Variants in RIF1 observed in about 807,000 individuals in gnomAD.
RIF1 encodes telomere-associated protein RIF1.
In RIF1, 45 loss-of-function variants were observed where a neutral mutation model predicts 247.1. That is an observed-to-expected ratio of 0.18 (90% confidence interval 0.14 to 0.23). The LOEUF is 0.23. Ranked by LOEUF, RIF1 falls within the 10% of genes least tolerant of loss-of-function variation. The pLI is 1.00. For synonymous variants in RIF1, 1,087 were observed against 978.8 expected (o/e 1.11, Z -2.06); for missense variants, 2,967 against 2,862.5 (o/e 1.04, Z -0.83).
chr2:151,498,254 A>AAAT, intron 10 of RIF1: 1 of 1,551,340 alleles, frequency 6.4e-7, no homozygotes. Context: ...TTTCTTTCCA[A>AAAT]AATACCGAGC....
chr2:151,458,225 G>GTTTT (rs1559002529), intron 24 of RIF1, among the ~76,000 whole-genome samples: 2 of 115,200 alleles, frequency 1.7e-5, no homozygotes, highest in African/African-American at 6.0e-5. Context: ...GGAAATAGAT[G>GTTTT]ATTTTTTTTT....
intron 13 of RIF1, among the ~76,000 whole-genome samples, 195 bp from the exon 14 acceptor site, chr2:151,438,489 T>C (rs1691657853): frequency 6.6e-6 from 1 of 152,108 alleles, no homozygotes; most frequent in Admixed American, 6.5e-5. Flanking sequence ...AAATAAACCA[T>C]ATTTAGTTTC....
chr2:151,471,935 C>T (rs1164205999), intron 34 of RIF1, among the ~76,000 whole-genome samples: 1 of 152,114 alleles, frequency 6.6e-6, no homozygotes, highest in Non-Finnish European at 1.5e-5. Flanking sequence ...ATGGGGGTGG[C>T]ATTGAATCTA....
chr2:151,510,872 C>G (rs2073699184), downstream of RIF1, among the ~76,000 whole-genome samples: 1 of 152,142 alleles, frequency 6.6e-6, no homozygotes, highest in South Asian at 2.1e-4. Flanking sequence ...TTGTATTAAC[C>G]CCCAAGTATG....
Position 151,478,164 on chromosome 2 carries a change from T to TA in RIF1, c.*3096dup, listed in dbSNP as rs1379487259. ...GAGCTTTACTCTAATTCCAAATAGT[T>TA]AAAGGATGAATCAGGTTAAATAATG... On this transcript the variant is annotated 3_prime_UTR_variant, in exon 36 of 36. Transcript: ENST00000444746. The TA allele has an allele frequency of 7.2e-5, 11 of 152,322 alleles. No individual in the cohort carries two copies. In the East Asian group the frequency reaches 1.2e-3, roughly 16 times the overall value. 9.4% of individuals were successfully genotyped at this position (152,322 alleles called of 1,614,324 possible).
chr2:151,454,959 A>C lies in RIF1; in HGVS notation c.2409A>C (p.Leu803Phe). 7 of 1,613,256 alleles carry C rather than the reference A, an allele frequency of 4.3e-6. No homozygotes were observed. The highest frequency in any genetic ancestry group is 5.1e-6 in the Non-Finnish European group (6 of 1,179,468). The change falls in exon 22 of 36, where the codon TTA becomes TTC. Residue 803 changes from leucine (L) to phenylalanine (F), a missense_variant. Leu to Phe is a conservative substitution (Grantham distance 22). Transcript: ENST00000444746. ...AGCCCCTAGGGAAATTGACTTCTTTATTTAAACTTATTGTGAAAGTGATCT... is the reference window on the plus strand; with the variant it reads ...AGCCCCTAGGGAAATTGACTTCTTTCTTTAAACTTATTGTGAAAGTGATCT... ...KNEPLGKLTSLFKLIVKVIYS... is the reference protein window; with the variant it reads ...KNEPLGKLTSFFKLIVKVIYS...
intron 14 of RIF1, 55 bp from the exon 15 acceptor site, chr2:151,439,972 C>CA (rs1165450117): frequency 0.12 from 32,248 of 273,086 alleles, 1,948 homozygotes; most frequent in Admixed American, 0.18. Context: ...GACCCTGTCT[C>CA]AAAAAAAAAA....
chr2:151,441,181 A>C (rs767933943), intron 15 of RIF1, among the ~76,000 whole-genome samples: 16 of 152,150 alleles, frequency 1.1e-4, no homozygotes, highest in Non-Finnish European at 2.4e-4. Context: ...AGATCGTGCC[A>C]CTGCAATCCA....
chr2:151,438,212 G>T (rs996185588), intron 13 of RIF1, among the ~76,000 whole-genome samples: 2 of 152,170 alleles, frequency 1.3e-5, no homozygotes, highest in Non-Finnish European at 2.9e-5. Context: ...ACATGGTAGC[G>T]CATGCCTGTA....
At chr2:151,505,623 T>C (rs1345514216) in intron 12 of RIF1, 9 of 1,413,150 alleles carry the variant, frequency 6.4e-6, no homozygotes, top group South Asian at 2.3e-5. Flanking sequence ...TGGACTGTTA[T>C]TCTTCCCAAC....
At chr2:151,500,236 A>G (rs1304154550) in intron 11 of RIF1, among the ~76,000 whole-genome samples, 1 of 152,208 alleles carries the variant, frequency 6.6e-6, no homozygotes, top group Admixed American at 6.5e-5. Context: ...AAAGAAAGTT[A>G]CTGATCTAAT....
intron 8 of RIF1, among the ~76,000 whole-genome samples, chr2:151,427,477 C>T (rs747865099): frequency 2.7e-5 from 4 of 150,162 alleles, no homozygotes; most frequent in Admixed American, 2.6e-4. Context: ...TCCCAGAGTG[C>T]TGGGATTGCA....
intron 21 of RIF1, among the ~76,000 whole-genome samples, chr2:151,453,657 AT>A (rs1235306678): frequency 6.6e-6 from 1 of 151,234 alleles, no homozygotes; most frequent in Non-Finnish European, 1.5e-5. Context: ...TTGCTTTAAG[AT>A]TAGATTCAGG....
At chr2:151,508,200 C>G (rs1176209857), downstream of RIF1, 1 of 780,066 alleles carries the variant, frequency 1.3e-6, no homozygotes, top group African/African-American at 1.7e-5. Flanking sequence ...CCCTTCCAGG[C>G]TCAGCAGAGG....
At chr2:151,521,974 T>C in the RIF1 span, among the ~76,000 whole-genome samples, 9 of 152,168 alleles carry the variant, frequency 5.9e-5, no homozygotes, top group African/African-American at 1.9e-4. Context: ...AGTAATGTAG[T>C]AAAACTACAT....
chr2:151,493,107 T>G (rs2057847737), intron 9 of RIF1: 1 of 422,192 alleles, frequency 2.4e-6, no homozygotes, highest in Non-Finnish European at 4.2e-6. Flanking sequence ...CATTGGCAAT[T>G]AACTTGTTAT....
chr2:151,413,148 T>A (rs879808616), intron 3 of RIF1, among the ~76,000 whole-genome samples: 3 of 151,948 alleles, frequency 2.0e-5, no homozygotes, highest in Non-Finnish European at 4.4e-5. Flanking sequence ...TGCCTCAGCC[T>A]CTCAAGTAGC....
downstream of RIF1, among the ~76,000 whole-genome samples, chr2:151,510,172 C>T (rs1406203902): frequency 6.6e-6 from 1 of 152,122 alleles, no homozygotes; most frequent in African/African-American, 2.4e-5. Flanking sequence ...ATGTTGTCTC[C>T]TGCTAAATCA....
the RIF1 span, chr2:151,525,853 G>C: frequency 1.2e-6 from 1 of 852,028 alleles, no homozygotes. Context: ...TTGATGGTAA[G>C]AGTGAAGCTA....
Sources: allele counts gnomAD v4.1 joint callset (sites outside exome capture counted in the v4.1 genomes callset), GRCh38; gene constraint gnomAD v4.1.1; transcripts MANE v1.5; gene names NCBI Gene and HGNC (gene_info 2026-07-23, HGNC 2026-07-21).